The following WDPCP variants were observed in gnomAD, a reference collection of about 807,000 sequenced individuals.
WDPCP encodes the protein WD repeat-containing and planar cell polarity effector protein fritz homolog.
Under a neutral mutation model 93.1 loss-of-function variants are expected in WDPCP, and 71 were observed. That is an observed-to-expected ratio of 0.76 (90% CI 0.63 to 0.93). The LOEUF (loss-of-function observed/expected upper bound fraction) is 0.93, where lower values mean the gene tolerates loss of function less well. Ranked by LOEUF, WDPCP falls within the 40% of genes least tolerant of loss-of-function variation. WDPCP has a pLI of 0.00. For missense variants in WDPCP, 844 were observed against 887.4 expected (o/e 0.95, Z 0.62); for synonymous variants, 315 against 315.0 (o/e 1.00, Z 0.00).
intron 13 of WDPCP, among the ~76,000 whole-genome samples, chr2:63,288,840 A>C (rs1261290455): frequency 6.6e-6 from 1 of 152,020 alleles, no homozygotes; most frequent in Non-Finnish European, 1.5e-5. Flanking sequence ...CTTTGCTCTT[A>C]CTTTCTATGA....
At chr2:63,545,385 A>G (rs1426251690) in intron 1 of WDPCP, among the ~76,000 whole-genome samples, 1 of 151,766 alleles carries the variant, frequency 6.6e-6, no homozygotes, top group Non-Finnish European at 1.5e-5. Flanking sequence ...AAAGAGAAAG[A>G]AAAAAAGAGA....
chr2:63,120,522 T>C lies in WDPCP; in HGVS notation c.*1484A>G, dbSNP rs1669489667. On this transcript the variant is annotated 3_prime_UTR_variant, in exon 18 of 18. Transcript: ENST00000272321. Reference sequence around the variant, plus strand: ...TGTTGATTATTATTATAGATGTCTATAATTTTTTTTTTTTTTTTTTTTGCA... The same window carrying C: ...TGTTGATTATTATTATAGATGTCTACAATTTTTTTTTTTTTTTTTTTTGCA... Among the ~76,000 whole-genome samples the C allele has an allele frequency of 7.3e-6, 1 of 137,216 alleles. No individual in the cohort carries two copies. Among genetic ancestry groups the C allele is most frequent in the Non-Finnish European group, 1.6e-5 (1 of 64,112 alleles). The allele number at this position is 137,216 out of a possible 152,430, so 90.0% of individuals were successfully genotyped here.
At chr2:63,259,524 T>A in intron 13 of WDPCP, 115 bp from the exon 14 acceptor site, 1 of 874,970 alleles carries the variant, frequency 1.1e-6, no homozygotes, top group Non-Finnish European at 1.8e-6. Context: ...AGTTTGTAAA[T>A]ATTCTTTTCT....
Position 63,484,986 on chromosome 2 carries a change from T to C in WDPCP, c.255A>G (p.Ser85=), listed in dbSNP as rs1252079324. ...TTTTGAGCGTCCAAGGATAATCTCG[T>C]GCTGGCAAATAAAACATGTACTACA... ...NLEKKQKLAE[S]RDYPWTLKNR... The change falls in exon 5 of 18, where the codon TCA becomes TCG. Residue 85 remains serine (S), a splice_region_variant and synonymous_variant. Coordinates refer to ENST00000272321, the MANE Select transcript of WDPCP (RefSeq NM_015910.7). The C allele has an allele frequency of 5.6e-6, 9 of 1,612,518 alleles. 1 individual carries two copies. The highest frequency in any genetic ancestry group is 4.4e-5 in the South Asian group (4 of 91,052).
intron 2 of WDPCP, among the ~76,000 whole-genome samples, chr2:63,748,102 G>C (rs1420260409): frequency 6.6e-6 from 1 of 151,774 alleles, no homozygotes; most frequent in African/African-American, 2.4e-5. Context: ...TATTGAGTTG[G>C]TATCTGACAA....
At chr2:63,208,485 T>G (rs375814332) in intron 14 of WDPCP, among the ~76,000 whole-genome samples, 9 of 152,324 alleles carry the variant, frequency 5.9e-5, no homozygotes, top group South Asian at 2.1e-4. Flanking sequence ...CAATTTGGGC[T>G]CTACTCTGAA....
chr2:63,594,195 A>G, intron 3 of WDPCP: 1 of 529,980 alleles, frequency 1.9e-6, no homozygotes, highest in South Asian at 1.4e-5. Context: ...ATCACCACAT[A>G]CTGAACACAT....
chr2:63,291,377 G>C (rs1409579455), intron 13 of WDPCP, among the ~76,000 whole-genome samples: 2 of 152,158 alleles, frequency 1.3e-5, no homozygotes, highest in African/African-American at 4.8e-5. Flanking sequence ...GCACCAGAGA[G>C]TCAATTACAG....
chr2:63,784,123 G>A (rs1481456451), intron 2 of WDPCP, among the ~76,000 whole-genome samples: 2 of 152,056 alleles, frequency 1.3e-5, no homozygotes, highest in African/African-American at 4.8e-5. Flanking sequence ...TCTAGCATCT[G>A]GCACTGTACT....
intron 14 of WDPCP, among the ~76,000 whole-genome samples, chr2:63,242,665 A>G (rs1445808840): frequency 6.6e-6 from 1 of 152,150 alleles, no homozygotes; most frequent in Non-Finnish European, 1.5e-5. Context: ...AGTGTAACAG[A>G]TGAACTGCTA....
At chr2:63,533,856 G>C (rs2106256209) in intron 1 of WDPCP, among the ~76,000 whole-genome samples, 1 of 150,646 alleles carries the variant, frequency 6.6e-6, no homozygotes, top group African/African-American at 2.4e-5. Context: ...AAATAACAAA[G>C]ATCAGAGCAG....
At chr2:63,248,412 G>A (rs1275702305) in intron 14 of WDPCP, among the ~76,000 whole-genome samples, 7 of 152,084 alleles carry the variant, frequency 4.6e-5, no homozygotes. Context: ...GGTATCCTTT[G>A]GGTTGATTCT....
chr2:63,200,760 G>T (rs1243411794), intron 14 of WDPCP, among the ~76,000 whole-genome samples: 1 of 151,868 alleles, frequency 6.6e-6, no homozygotes, highest in Non-Finnish European at 1.5e-5. Flanking sequence ...AGCACAACAG[G>T]GTATCTACGG....
At chr2:63,555,643 A>C (rs1706056073) in intron 1 of WDPCP, among the ~76,000 whole-genome samples, 1 of 152,198 alleles carries the variant, frequency 6.6e-6, no homozygotes, top group Non-Finnish European at 1.5e-5. Flanking sequence ...AGGATGGAGC[A>C]GGCAGCCATC....
chr2:63,496,377 C>A (rs1315579275), intron 1 of WDPCP, among the ~76,000 whole-genome samples: 1 of 152,112 alleles, frequency 6.6e-6, no homozygotes, highest in Non-Finnish European at 1.5e-5. Flanking sequence ...ACTATTTCTA[C>A]GAGGCAGAAA....
chr2:63,768,045 C>A lies in WDPCP; in HGVS notation n.308+45577G>T, dbSNP rs186703763. ...TTTAAAAACAACAAAAAATAAGTTT[C>A]ATATTTTAGGTTTTATATTCAGGTC... On this transcript the variant is annotated intron_variant and non_coding_transcript_variant, in intron 2 of 4. Transcript: ENST00000467687. Among the ~76,000 whole-genome samples the A allele has an allele frequency of 3.4e-3, 522 of 152,066 alleles. 7 individuals are homozygous for A. The highest frequency in any genetic ancestry group is 0.012 in the African/African-American group (496 of 41,536).
chr2:63,683,669 T>G (rs1668761454), intron 2 of WDPCP, among the ~76,000 whole-genome samples: 1 of 151,866 alleles, frequency 6.6e-6, no homozygotes, highest in Admixed American at 6.6e-5. Context: ...GCCAACATGG[T>G]GAAAACCCAT....
intron 3 of WDPCP, among the ~76,000 whole-genome samples, chr2:63,624,857 A>T (rs147075321): frequency 0.046 from 6,984 of 152,216 alleles, 190 homozygotes; most frequent in South Asian, 0.073. Flanking sequence ...TGATACCAAA[A>T]CCTGGCAGAG....
intron 2 of WDPCP, among the ~76,000 whole-genome samples, chr2:63,690,100 G>C (rs1169027507): frequency 1.3e-5 from 2 of 152,142 alleles, no homozygotes; most frequent in Non-Finnish European, 2.9e-5. Context: ...CCAGCTAAGT[G>C]GACCCATGCA....
Sources: gnomAD v4.1 joint callset for allele counts (sites outside exome capture counted in the v4.1 genomes callset) on GRCh38, gnomAD v4.1.1 for gene constraint, MANE v1.5 for transcripts, NCBI Gene and HGNC (gene_info 2026-07-23, HGNC 2026-07-21) for gene names.